Variants in WDHD1 observed in about 807,000 individuals in gnomAD.
WDHD1 encodes WD repeat and HMG-box DNA binding protein 1.
WDHD1 carries 111 observed loss-of-function variants against 135.4 expected under a neutral mutation model. That is an observed-to-expected ratio of 0.82 (90% CI 0.70 to 0.96). The LOEUF is 0.96. Among genes scored for constraint, WDHD1 ranks in the 40% least tolerant of loss-of-function variants. The pLI is 0.00. For missense variants in WDHD1, 1,351 were observed against 1,336.3 expected, an observed-to-expected ratio of 1.01 and a Z score of -0.17; for synonymous variants, 434 against 439.0, an observed-to-expected ratio of 0.99 and a Z score of 0.14.
intron 21 of WDHD1, among the ~76,000 whole-genome samples, chr14:54,959,652 T>C (rs1361682937): frequency 6.6e-6 from 1 of 152,012 alleles, no homozygotes; most frequent in African/African-American, 2.4e-5. Flanking sequence ...ACTGTAGTCA[T>C]AGCTACTCAG....
intron 24 of WDHD1, among the ~76,000 whole-genome samples, chr14:54,950,027 C>G (rs2041014515): frequency 6.6e-6 from 1 of 152,244 alleles, no homozygotes; most frequent in African/African-American, 2.4e-5. Flanking sequence ...CGGTACCAGC[C>G]ACTGAAAAAA....
chr14:54,952,152 C>G (rs1346341901), intron 24 of WDHD1, among the ~76,000 whole-genome samples: 1 of 152,042 alleles, frequency 6.6e-6, no homozygotes, highest in Non-Finnish European at 1.5e-5. Flanking sequence ...GGCAATCAGG[C>G]AGGAGAAAGA....
intron 11 of WDHD1, among the ~76,000 whole-genome samples, chr14:54,992,274 T>G (rs918401186): frequency 6.6e-6 from 1 of 152,058 alleles, no homozygotes; most frequent in Non-Finnish European, 1.5e-5. Flanking sequence ...GTAGATCATT[T>G]GAGGTCAGGA....
intron 2 of WDHD1, among the ~76,000 whole-genome samples, chr14:55,017,841 T>C (rs1284695868): frequency 6.6e-6 from 1 of 151,602 alleles, no homozygotes; most frequent in Non-Finnish European, 1.5e-5. Flanking sequence ...AAACATGTTT[T>C]GTTTCTGTTT....
intron 15 of WDHD1, 98 bp downstream of exon 15, chr14:54,984,625 T>C (rs1555369279): frequency 2.0e-6 from 2 of 1,008,252 alleles, no homozygotes; most frequent in Non-Finnish European, 2.7e-6. Context: ...TAATTTATTC[T>C]TAAATTAATT....
Position 55,000,489 on chromosome 14 carries a change from A to G in WDHD1, c.942+14T>C. The stretch of plus-strand genomic sequence containing the variant: ...AACATTTTGAAGAAACTGTTGTACC[A>G]TACTCCCTTTTACCTTACTGCTTGA... On this transcript the variant is annotated intron_variant, in intron 10 of 25. Coordinates refer to ENST00000360586, the MANE Select transcript of WDHD1 (RefSeq NM_007086.4). 1.3e-6 allele frequency: 2 copies of G among 1,589,026 alleles called. No homozygotes were observed. The highest frequency in any genetic ancestry group is 1.7e-6 in the Non-Finnish European group (2 of 1,168,486).
intron 10 of WDHD1, among the ~76,000 whole-genome samples, chr14:54,998,755 C>T (rs1049283451): frequency 7.2e-5 from 11 of 152,098 alleles, no homozygotes; most frequent in African/African-American, 2.4e-4. Flanking sequence ...CACTACTCTC[C>T]GACCCCAATT....
intron 2 of WDHD1, among the ~76,000 whole-genome samples, chr14:55,026,349 G>A (rs763629174): frequency 1.8e-4 from 28 of 152,226 alleles, no homozygotes; most frequent in Non-Finnish European, 2.4e-4. Flanking sequence ...AAGGGAAATA[G>A]CATCACTAAA....
Position 54,962,773 on chromosome 14 carries a change from G to T in WDHD1, c.2612C>A (p.Ala871Asp), listed in dbSNP as rs1302411171. 4 of 1,613,846 alleles carry T rather than the reference G, an allele frequency of 2.5e-6. 1 individual carries two copies. The South Asian group carries it at 4.4e-5, about 18-fold the overall frequency. Residue 871 changes from alanine (A) to aspartate (D), a missense_variant, in exon 20 of 26, where the codon GCT becomes GAT. Physicochemically the swap from Ala to Asp is moderately radical, Grantham distance 126. This residue lies in a region of WDHD1 where 1,330 missense variants were observed against 1,296.1 expected (regional missense o/e 1.03). Coordinates refer to ENST00000360586, the MANE Select transcript of WDHD1 (RefSeq NM_007086.4). The part of the protein sequence containing the change: ...VEEDAEDSGE[A>D]DDEEKPEIHK... ...TATTTCTGGTTTTTCTTCATCATCAGCTTCTCCACTGTCCTCAGCATCTTC... is the reference window on the plus strand; with the variant it reads ...TATTTCTGGTTTTTCTTCATCATCATCTTCTCCACTGTCCTCAGCATCTTC...
At position 54,940,799 on chromosome 14, in the gene WDHD1, G is replaced by A. The variant is rs2040826053; in HGVS notation, c.*691C>T. 1.3e-5 allele frequency: 2 copies of A among 152,026 alleles called. No homozygotes were observed. Among genetic ancestry groups the A allele is most frequent in the African/African-American group, 2.4e-5 (1 of 41,388 alleles). The allele number at this position is 152,026 out of a possible 1,614,324, so 9.4% of individuals were successfully genotyped here. A position where few individuals can be genotyped will look rare whatever the true frequency, so the allele number is the denominator to read the frequency against. On this transcript the variant is annotated 3_prime_UTR_variant, in exon 26 of 26. Coordinates refer to ENST00000360586, the MANE Select transcript of WDHD1 (RefSeq NM_007086.4). ...GTGTATAATGCAGAGCAAAATGGGG[G>A]TGGTGGTAGAAATTATGGTAGTAAA...
chr14:54,955,854 CAT>C (rs1441958321), intron 23 of WDHD1, among the ~76,000 whole-genome samples, 160 bp from the exon 24 acceptor site: 1 of 147,998 alleles, frequency 6.8e-6, no homozygotes, highest in Admixed American at 6.8e-5. Context: ...TAGGCAAACA[CAT>C]GCAAAACCAA....
chr14:54,972,357 C>T (rs59323730), intron 16 of WDHD1, among the ~76,000 whole-genome samples: 50,106 of 149,372 alleles, frequency 0.34, 8,685 homozygotes, highest in African/African-American at 0.43. Flanking sequence ...GCAGGCAGAT[C>T]ACTTGAGGCC....
At chr14:55,010,892 G>A (rs2042157839) in intron 3 of WDHD1, among the ~76,000 whole-genome samples, 1 of 152,234 alleles carries the variant, frequency 6.6e-6, no homozygotes, top group Admixed American at 6.5e-5. Flanking sequence ...TGTCTTTTTA[G>A]AGTAAAGTCT....
At chr14:54,946,138 G>C (rs1381329419) in intron 24 of WDHD1, among the ~76,000 whole-genome samples, 1 of 152,212 alleles carries the variant, frequency 6.6e-6, no homozygotes, top group African/African-American at 2.4e-5. Context: ...TTGGGGCAAT[G>C]TCACAAGTCT....
At chr14:55,002,400 A>G (rs2041992928) in intron 7 of WDHD1, among the ~76,000 whole-genome samples, 1 of 152,040 alleles carries the variant, frequency 6.6e-6, no homozygotes, top group African/African-American at 2.4e-5. Flanking sequence ...CCTCCTAAGT[A>G]GCTGGGACTA....
intron 21 of WDHD1, among the ~76,000 whole-genome samples, chr14:54,960,662 G>A (rs750293371): frequency 2.0e-4 from 31 of 151,686 alleles, no homozygotes; most frequent in Non-Finnish European, 4.1e-4. Context: ...ACCATGCCCG[G>A]CTAATTTTTT....
chr14:54,981,262 T>C (rs1296262592), intron 16 of WDHD1, among the ~76,000 whole-genome samples: 3 of 152,202 alleles, frequency 2.0e-5, no homozygotes, highest in Non-Finnish European at 2.9e-5. Flanking sequence ...AAGACAGTAA[T>C]AAAAGGTGAA....
At chr14:55,011,927 C>G (rs965880762) in intron 3 of WDHD1, among the ~76,000 whole-genome samples, 1 of 151,990 alleles carries the variant, frequency 6.6e-6, no homozygotes, top group South Asian at 2.1e-4. Context: ...CTATCCTTTT[C>G]CACATAAACT....
intron 7 of WDHD1, chr14:55,005,382 A>G: frequency 1.8e-6 from 1 of 565,858 alleles, no homozygotes; most frequent in South Asian, 1.4e-5. Flanking sequence ...CCAGGAGTGA[A>G]GCAGCCAGCA....
Sources: gnomAD v4.1 joint callset for allele counts (sites outside exome capture counted in the v4.1 genomes callset) on GRCh38, gnomAD v4.1.1 for gene constraint, gnomAD v4.1.1 regional missense constraint, MANE v1.5 for transcripts, NCBI Gene and HGNC (gene_info 2026-07-23, HGNC 2026-07-21) for gene names.